CPEB3: variants seen among roughly 807,000 people sequenced by gnomAD.
CPEB3 encodes the protein cytoplasmic polyadenylation element-binding protein 3.
In CPEB3, 20 loss-of-function variants were observed where a neutral mutation model predicts 67.2. The observed-to-expected ratio is 0.30, with a 90% CI of 0.21 to 0.43. CPEB3 has a LOEUF of 0.43. Ranked by LOEUF, CPEB3 falls within the 20% of genes least tolerant of loss-of-function variation. CPEB3 has a pLI of 1.00. For synonymous variants in CPEB3, 376 were observed against 393.1 expected (o/e 0.96, Z 0.51); for missense variants, 746 against 968.6 (o/e 0.77, Z 3.05).
At chr10:92,139,832 T>G (rs915112855) in intron 6 of CPEB3, among the ~76,000 whole-genome samples, 1 of 152,110 alleles carries the variant, frequency 6.6e-6, no homozygotes, top group Non-Finnish European at 1.5e-5. Flanking sequence ...CCCAGCACTT[T>G]GGGAGGCCAA....
rs1442613020 is a variant in CPEB3, at chr10:92,157,154, T to C, written c.1223-12069A>G. ...TGCAAATGAGCACCAAAGTAACTTA[T>C]ATTTGTGGAATACTTTTAATTTACA... is the stretch of plus-strand genomic sequence containing the variant. On this transcript the variant is annotated intron_variant, in intron 4 of 9. Coordinates refer to ENST00000265997, the MANE Select transcript of CPEB3 (RefSeq NM_014912.5). Among the ~76,000 whole-genome samples the C allele has an allele frequency of 5.9e-5, 9 of 152,334 alleles. No homozygotes were observed. The East Asian group carries it at 1.5e-3, about 26-fold the overall frequency.
chr10:92,286,677 G>GA (rs1044541894), intron 1 of CPEB3, among the ~76,000 whole-genome samples: 11 of 150,376 alleles, frequency 7.3e-5, no homozygotes, highest in East Asian at 3.9e-4. Flanking sequence ...AGGAATTAAT[G>GA]AAAAAAAAAC....
intron 1 of CPEB3, among the ~76,000 whole-genome samples, chr10:92,253,463 C>CAAAAAAAAAA (rs370091703): frequency 7.6e-4 from 58 of 76,276 alleles, no homozygotes; most frequent in Middle Eastern, 0.024. Flanking sequence ...TGTCTCAAAA[C>CAAAAAAAAAA]AAAAAAAAAA....
At chr10:92,070,691 C>T (rs1842717751) in intron 9 of CPEB3, among the ~76,000 whole-genome samples, 2 of 151,970 alleles carry the variant, frequency 1.3e-5, no homozygotes, top group Non-Finnish European at 1.5e-5. Context: ...GTGGGAGAAT[C>T]ACTTGAACCC....
intron 3 of CPEB3, among the ~76,000 whole-genome samples, chr10:92,188,440 G>A (rs987710745): frequency 2.0e-5 from 3 of 151,460 alleles, no homozygotes; most frequent in Admixed American, 6.6e-5. Context: ...AAATTAGTCC[G>A]GCTGGGCGCA....
chr10:92,264,814 G>A (rs1028867872), intron 1 of CPEB3, among the ~76,000 whole-genome samples: 1 of 152,054 alleles, frequency 6.6e-6, no homozygotes, highest in African/African-American at 2.4e-5. Flanking sequence ...CACAATGGGA[G>A]GCCGAGGCAG....
chr10:92,145,917 T>A (rs1846657439), intron 4 of CPEB3, among the ~76,000 whole-genome samples: 1 of 152,186 alleles, frequency 6.6e-6, no homozygotes, highest in East Asian at 1.9e-4. Context: ...TTTCTAATAG[T>A]GGAACTAAAG....
intron 4 of CPEB3, among the ~76,000 whole-genome samples, chr10:92,169,635 C>G (rs1331326583): frequency 6.6e-6 from 1 of 152,144 alleles, no homozygotes; most frequent in Non-Finnish European, 1.5e-5. Context: ...CCATAGAACA[C>G]AACTAGAAAA....
At chr10:92,142,169 C>T (rs187203697) in intron 6 of CPEB3, among the ~76,000 whole-genome samples, 6 of 152,054 alleles carry the variant, frequency 3.9e-5, no homozygotes, top group Admixed American at 2.6e-4. Context: ...AAAAGGAAGC[C>T]ACTTGCCTTC....
chr10:92,225,454 T>C (rs1477724066), intron 2 of CPEB3, among the ~76,000 whole-genome samples: 1 of 152,140 alleles, frequency 6.6e-6, no homozygotes, highest in African/African-American at 2.4e-5. Context: ...GGAGGATCTC[T>C]TGAACCCAGT....
At chr10:92,056,616 G>A (rs539562707) in intron 9 of CPEB3, among the ~76,000 whole-genome samples, 1 of 152,296 alleles carries the variant, frequency 6.6e-6, no homozygotes, top group African/African-American at 2.4e-5. Flanking sequence ...GTGGGCTACA[G>A]TGCTCTGTGT....
At chr10:92,099,537 C>T (rs1479221379) in intron 7 of CPEB3, among the ~76,000 whole-genome samples, 1 of 151,830 alleles carries the variant, frequency 6.6e-6, no homozygotes, top group Non-Finnish European at 1.5e-5. Flanking sequence ...TTGACCAGAA[C>T]CTCTTAGTTA....
chr10:92,244,754 T>C (rs1851991819), intron 1 of CPEB3, among the ~76,000 whole-genome samples: 1 of 152,072 alleles, frequency 6.6e-6, no homozygotes, highest in Non-Finnish European at 1.5e-5. Flanking sequence ...TATTAAAAAC[T>C]GTTTTTTGGT....
At chr10:92,058,246 A>G (rs1452661361) in intron 9 of CPEB3, among the ~76,000 whole-genome samples, 1 of 152,256 alleles carries the variant, frequency 6.6e-6, no homozygotes, top group South Asian at 2.1e-4. Flanking sequence ...GGATATCACA[A>G]TTTTAAATAT....
At chr10:92,154,360 T>C (rs1564822904) in intron 4 of CPEB3, among the ~76,000 whole-genome samples, 1 of 121,502 alleles carries the variant, frequency 8.2e-6, no homozygotes, top group Non-Finnish European at 1.7e-5. Flanking sequence ...TTAAACTATA[T>C]GTAATTGATA....
At chr10:92,190,973 T>C (rs748939761) in intron 3 of CPEB3, among the ~76,000 whole-genome samples, 2 of 152,224 alleles carry the variant, frequency 1.3e-5, no homozygotes, top group African/African-American at 4.8e-5. Flanking sequence ...ATTACAAAGA[T>C]CTGATAGAAG....
intron 6 of CPEB3, among the ~76,000 whole-genome samples, chr10:92,129,331 A>G (rs1219792325): frequency 6.6e-6 from 1 of 152,036 alleles, no homozygotes; most frequent in Non-Finnish European, 1.5e-5. Flanking sequence ...CACAATAGAC[A>G]CTGGGGCCTA....
rs796151140 is a variant in CPEB3, at chr10:92,120,949, C to G, written c.1454-9755G>C. Among the ~76,000 whole-genome samples, 3 of 152,286 alleles carry G rather than the reference C, an allele frequency of 2.0e-5. No homozygotes were observed. In the South Asian group the frequency reaches 6.2e-4, roughly 32 times the overall value. On this transcript the variant is annotated intron_variant, in intron 6 of 9. Coordinates refer to ENST00000265997, the MANE Select transcript of CPEB3 (RefSeq NM_014912.5). ...CTCCTGACCTCAGGTGATCCACCCA[C>G]CTCAGCCTCCCAAAGTGCTGGGATT...
intron 6 of CPEB3, among the ~76,000 whole-genome samples, chr10:92,126,324 C>T (rs568622477): frequency 1.3e-5 from 2 of 152,274 alleles, no homozygotes; most frequent in African/African-American, 2.4e-5. Context: ...CATAACCACA[C>T]CCCTGATTTG....
Sources: allele counts gnomAD v4.1 joint callset (sites outside exome capture counted in the v4.1 genomes callset), GRCh38; gene constraint gnomAD v4.1.1; transcripts MANE v1.5; gene names NCBI Gene and HGNC (gene_info 2026-07-23, HGNC 2026-07-21).